Variants in DMD observed in about 807,000 individuals in gnomAD.
The protein encoded by DMD is dystrophin.
A neutral mutation model predicts 330.1 loss-of-function variants in DMD; 63 were observed. The ratio of observed to expected loss-of-function variants is 0.19; its 90% CI spans 0.16 to 0.24. DMD has a LOEUF of 0.24. Ranked by LOEUF, DMD falls within the 10% of genes least tolerant of loss-of-function variation. DMD has a pLI of 1.00. For synonymous variants in DMD, 1,223 were observed against 959.8 expected, an observed-to-expected ratio of 1.27 and a Z score of -5.07; for missense variants, 3,344 against 2,684.1, an observed-to-expected ratio of 1.25 and a Z score of -5.43.
At chrX:33,052,626 C>T (rs896435522) in intron 1 of DMD, among the ~76,000 whole-genome samples, 1 of 111,780 alleles carries the variant, frequency 8.9e-6, no homozygotes, top group Non-Finnish European at 1.9e-5. Flanking sequence ...AACAGATTAA[C>T]ATCAAAAAGT....
At chrX:32,133,797 C>A (rs2096711269) in intron 44 of DMD, among the ~76,000 whole-genome samples, 1 of 111,387 alleles carries the variant, frequency 9.0e-6, no homozygotes. Flanking sequence ...CATCTTCTCA[C>A]ACTTAGAAAG....
intron 44 of DMD, among the ~76,000 whole-genome samples, chrX:32,124,389 C>G (rs946909949): frequency 8.9e-6 from 1 of 112,020 alleles, no homozygotes; most frequent in African/African-American, 3.2e-5. Context: ...TGACTCATTC[C>G]GAAGACAGGG....
intron 33 of DMD, among the ~76,000 whole-genome samples, chrX:32,384,005 T>C (rs2097941947): frequency 9.1e-6 from 1 of 110,468 alleles, no homozygotes; most frequent in Admixed American, 9.7e-5. Context: ...ATTTTCTTAA[T>C]TTAAAAAATA....
At chrX:32,299,009 C>A (rs2097509783) in intron 42 of DMD, among the ~76,000 whole-genome samples, 1 of 110,726 alleles carries the variant, frequency 9.0e-6, no homozygotes, top group African/African-American at 3.3e-5. Flanking sequence ...TCCAGAAAAC[C>A]TTTCCTTAAC....
intron 30 of DMD, among the ~76,000 whole-genome samples, chrX:32,406,579 A>T (rs1603632754): frequency 1.8e-5 from 2 of 111,439 alleles, no homozygotes. Flanking sequence ...ATATTGAACC[A>T]GCCTTGCATC....
chrX:31,372,889 G>C (rs2148665484), intron 60 of DMD, among the ~76,000 whole-genome samples: 1 of 111,650 alleles, frequency 9.0e-6, no homozygotes, highest in South Asian at 3.8e-4. Context: ...AATTGTCCCT[G>C]TTTGCAGATG....
At chrX:31,885,541 T>C (rs1434045292) in intron 47 of DMD, among the ~76,000 whole-genome samples, 1 of 94,126 alleles carries the variant, frequency 1.1e-5, no homozygotes, top group African/African-American at 4.2e-5. Context: ...ACTTAGGAGG[T>C]GGAGTTTGCA....
intron 44 of DMD, among the ~76,000 whole-genome samples, chrX:32,050,047 T>A (rs2096096249): frequency 8.9e-6 from 1 of 111,991 alleles, no homozygotes; most frequent in Non-Finnish European, 1.9e-5. Context: ...AGTTTTTTAA[T>A]AAACGTATTT....
At chrX:31,131,648 A>T (rs1389821711) in intron 77 of DMD, among the ~76,000 whole-genome samples, 1 of 111,679 alleles carries the variant, frequency 9.0e-6, no homozygotes, top group Non-Finnish European at 1.9e-5. Context: ...TTTCTGCTTA[A>T]TATCAGCTGA....
At chrX:33,219,305 A>ATT (rs2052117772) in intron 1 of DMD, among the ~76,000 whole-genome samples, 1 of 25,867 alleles carries the variant, frequency 3.9e-5, no homozygotes, top group Admixed American at 3.9e-4. Flanking sequence ...TTTAGAGATT[A>ATT]TTGTGTGTGT....
At chrX:31,776,829 A>C (rs1398875326) in intron 50 of DMD, among the ~76,000 whole-genome samples, 1 of 112,252 alleles carries the variant, frequency 8.9e-6, no homozygotes, top group Non-Finnish European at 1.9e-5. Flanking sequence ...TAGCTGAAGC[A>C]TATTCAGAGG....
chrX:33,042,197 G>A (rs1383755662), intron 1 of DMD, among the ~76,000 whole-genome samples: 1 of 111,976 alleles, frequency 8.9e-6, no homozygotes, highest in African/African-American at 3.2e-5. Context: ...GAGCCATGAG[G>A]TGGGCTGCCA....
chrX:32,419,993 T>G (rs1008088383), intron 29 of DMD, among the ~76,000 whole-genome samples: 2 of 111,808 alleles, frequency 1.8e-5, no homozygotes, highest in Non-Finnish European at 3.8e-5. Flanking sequence ...TCTTCTGCCC[T>G]GACAGGAGCA....
At chrX:32,614,878 T>G (rs1230919559) in intron 11 of DMD, among the ~76,000 whole-genome samples, 2 of 109,290 alleles carry the variant, frequency 1.8e-5, no homozygotes, top group South Asian at 3.9e-4. Flanking sequence ...GGACTTGTGT[T>G]TTTTTTTTTG....
intron 41 of DMD, among the ~76,000 whole-genome samples, chrX:32,335,277 C>T (rs897696610): frequency 9.2e-6 from 1 of 108,579 alleles, no homozygotes; most frequent in Non-Finnish European, 1.9e-5. Flanking sequence ...TCCCTGCTGA[C>T]TGTAACCTCT....
rs112507603 is a variant in DMD at position 31,592,522 on chromosome X, T to TCA, written c.8217+35149_8217+35150dup. The stretch of plus-strand genomic sequence containing the variant: ...GTAAAAATTGACCTTGAAAAGTGTC[T>TCA]CACACACACACACACACAAAGACAT... On this transcript the variant is annotated intron_variant, in intron 55 of 78. Coordinates refer to ENST00000357033, the MANE Select transcript of DMD (RefSeq NM_004006.3). Among the ~76,000 whole-genome samples, 611 of 105,423 alleles carry TCA rather than the reference T, an allele frequency of 5.8e-3. 7 individuals carry two copies. Among genetic ancestry groups the TCA allele is most frequent in the African/African-American group, 0.018 (541 of 29,314 alleles). The allele number at this position is 105,423 out of a possible 115,157, so 91.5% of individuals were successfully genotyped here.
At chrX:31,920,683 C>T (rs1486088605) in intron 47 of DMD, among the ~76,000 whole-genome samples, 1 of 112,185 alleles carries the variant, frequency 8.9e-6, no homozygotes, top group Non-Finnish European at 1.9e-5. Flanking sequence ...AATTTTTCTC[C>T]TCCTTTCTCT....
intron 1 of DMD, among the ~76,000 whole-genome samples, chrX:33,217,149 T>C (rs2052072383): frequency 9.0e-6 from 1 of 111,409 alleles, no homozygotes; most frequent in Non-Finnish European, 1.9e-5. Context: ...TTGGTTGAAA[T>C]GTTACCCATA....
intron 77 of DMD, among the ~76,000 whole-genome samples, chrX:31,133,621 G>A (rs2034806474): frequency 8.9e-6 from 1 of 111,973 alleles, no homozygotes; most frequent in Admixed American, 9.5e-5. Context: ...TTTAAATGAT[G>A]GAGTAAGATA....
Sources: gnomAD v4.1 joint callset for allele counts (sites outside exome capture counted in the v4.1 genomes callset) on GRCh38, gnomAD v4.1.1 for gene constraint, MANE v1.5 for transcripts, NCBI Gene and HGNC (gene_info 2026-07-23, HGNC 2026-07-21) for gene names.